Variants in CDK2AP1 observed in about 807,000 individuals in gnomAD.
CDK2AP1 encodes the protein cyclin-dependent kinase 2-associated protein 1.
Under a neutral mutation model 14.1 loss-of-function variants are expected in CDK2AP1, and 10 were observed. That is an observed-to-expected ratio of 0.71 (90% CI 0.44 to 1.20). The LOEUF (loss-of-function observed/expected upper bound fraction) is 1.20, where lower values mean the gene tolerates loss of function less well. Among genes scored for constraint, CDK2AP1 ranks in the 50% most tolerant of loss-of-function variants. CDK2AP1 has a pLI of 0.00. For synonymous variants in CDK2AP1, 59 were observed against 59.8 expected, an observed-to-expected ratio of 0.99 and a Z score of 0.06; for missense variants, 102 against 149.9, an observed-to-expected ratio of 0.68 and a Z score of 1.67.
At chr12:123,266,667 T>C (rs890807712) in intron 2 of CDK2AP1, among the ~76,000 whole-genome samples, 2 of 152,062 alleles carry the variant, frequency 1.3e-5, no homozygotes, top group Non-Finnish European at 2.9e-5. Flanking sequence ...AGTTACCAAG[T>C]GGGGGGTCAC....
intron 1 of CDK2AP1, chr12:123,271,034 C>T: frequency 1.1e-6 from 1 of 888,940 alleles, no homozygotes; most frequent in Non-Finnish European, 1.3e-6. Context: ...CCCCCGGCAG[C>T]CCGGCAGCCC....
chr12:123,265,111 A>T lies in CDK2AP1; in HGVS notation c.280+85T>A. ...CATGAGTGAGCCTCATCCCTAGCCCACCTTCCCACATTTTCCCCAAAAGTC... is the reference window on the plus strand; with the variant it reads ...CATGAGTGAGCCTCATCCCTAGCCCTCCTTCCCACATTTTCCCCAAAAGTC... On this transcript the variant is annotated intron_variant, in intron 3 of 3. Transcript: ENST00000261692. The surrounding 1 kb of genome is among the most constrained non-coding windows in gnomAD (Gnocchi z 5.3). The T allele has an allele frequency of 6.4e-7, 1 of 1,568,914 alleles. No homozygotes were observed. The highest frequency in any genetic ancestry group is 8.7e-7 in the Non-Finnish European group (1 of 1,146,796).
At chr12:123,263,827 G>A (rs746190436) in intron 3 of CDK2AP1, among the ~76,000 whole-genome samples, 20 of 152,310 alleles carry the variant, frequency 1.3e-4, no homozygotes, top group South Asian at 1.0e-3. Flanking sequence ...CTCCCAGGCC[G>A]GGCACGGTGG....
Position 123,265,736 on chromosome 12 carries a change from G to A in CDK2AP1, c.154-414C>T, listed in dbSNP as rs1343107530. Among the ~76,000 whole-genome samples the A allele has an allele frequency of 2.6e-5, 4 of 152,230 alleles. No homozygotes were observed. Among genetic ancestry groups the A allele is most frequent in the African/African-American group, 9.6e-5 (4 of 41,554 alleles). On this transcript the variant is annotated intron_variant, in intron 2 of 3. Coordinates refer to ENST00000261692, the MANE Select transcript of CDK2AP1 (RefSeq NM_004642.4). This position sits in a 1 kb window ranked among gnomAD's most constrained non-coding sequence, Gnocchi z 5.3. ...AGGGAGGCCACCCAGTCGTCTCCAGGAAGCAACTTTATTATCTCCAATGAA... is the reference window on the plus strand; with the variant it reads ...AGGGAGGCCACCCAGTCGTCTCCAGAAAGCAACTTTATTATCTCCAATGAA...
At position 123,261,752 on chromosome 12, in the gene CDK2AP1, C is replaced by T. The variant is rs2048234749; in HGVS notation, c.332G>A (p.Arg111Gln). ...ACAAGGCAGCTAGGATCTGGCATTC[C>T]GTTCCGTTTCTGCCAAGCACTCCCG... ...LVRECLAETE[R>Q]NARS Residue 111 changes from arginine (R) to glutamine (Q), a missense_variant, in exon 4 of 4, where the codon CGG (arginine) becomes CAG (glutamine). By Grantham distance (43) the Arg-to-Gln change is conservative. Coordinates refer to ENST00000261692, the MANE Select transcript of CDK2AP1 (RefSeq NM_004642.4). 1.9e-6 allele frequency: 3 copies of T among 1,613,588 alleles called. No individual in the cohort carries two copies. Among genetic ancestry groups the T allele is most frequent in the African/African-American group, 1.3e-5 (1 of 74,938 alleles).
chr12:123,268,204 C>G, intron 1 of CDK2AP1: 3 of 985,700 alleles, frequency 3.0e-6, no homozygotes, highest in Non-Finnish European at 3.6e-6. Context: ...CTGCCGCCCC[C>G]AGAGCCACAC....
At chr12:123,270,869 C>G (rs2048347470) in intron 1 of CDK2AP1, 1 of 985,122 alleles carries the variant, frequency 1.0e-6, no homozygotes, top group African/African-American at 1.7e-5. Context: ...GCGCCAACTT[C>G]GTTCACTCCG....
chr12:123,263,226 A>C (rs1274185209), intron 3 of CDK2AP1, among the ~76,000 whole-genome samples: 3 of 150,068 alleles, frequency 2.0e-5, no homozygotes, highest in Non-Finnish European at 3.0e-5. Flanking sequence ...AAAAAAAAAA[A>C]CAAAAAAAAA....
chr12:123,271,591 G>T lies in CDK2AP1; in HGVS notation c.28C>A (p.His10Asn). Residue 10 changes from histidine to asparagine, a missense_variant, in exon 1 of 4, where the codon CAC becomes AAC. Physicochemically the swap from His to Asn is moderately conservative, Grantham distance 68. Around this residue, in one of 2 missense-constraint regions of CDK2AP1, gnomAD observed 50 missense variants for 42.7 expected, o/e 1.17. Transcript: ENST00000261692. MSYKPNLAA[H>N]MPAAALNAAG... The stretch of plus-strand genomic sequence containing the variant: ...GCGTTGAGGGCGGCGGCGGGCATGT[G>T]CGCGGCCAAGTTCGGTTTGTAAGAC... 9.9e-7 allele frequency: 1 copy of T among 1,009,328 alleles called. No homozygotes were observed. The highest frequency in any genetic ancestry group is 1.2e-6 in the Non-Finnish European group (1 of 846,014). 62.5% of individuals were successfully genotyped at this position (1,009,328 alleles called of 1,614,324 possible).
chr12:123,266,256 C>T (rs549178190), intron 2 of CDK2AP1, among the ~76,000 whole-genome samples: 6 of 152,362 alleles, frequency 3.9e-5, no homozygotes, highest in African/African-American at 1.4e-4. Flanking sequence ...CCAGGCCTCA[C>T]GGGCCTCCCG....
intron 1 of CDK2AP1, chr12:123,268,092 A>C: frequency 1.3e-6 from 1 of 759,574 alleles, no homozygotes; most frequent in Non-Finnish European, 1.6e-6. Flanking sequence ...GCGGCCCCGC[A>C]ATGGCGTCCC....
intron 3 of CDK2AP1, among the ~76,000 whole-genome samples, chr12:123,263,965 G>A (rs990360091): frequency 6.6e-6 from 1 of 152,140 alleles, no homozygotes; most frequent in African/African-American, 2.4e-5. Context: ...AAAATTAGCT[G>A]GGTATAGTGG....
Position 123,267,254 on chromosome 12 carries a change from G to A in CDK2AP1, c.84C>T (p.Ser28=). 1.2e-6 allele frequency: 2 copies of A among 1,612,896 alleles called. No individual in the cohort carries two copies. The highest frequency in any genetic ancestry group is 1.7e-4 in the Middle Eastern group (1 of 6,056). Residue 28 remains serine (S), a synonymous_variant, in exon 2 of 4, where the codon AGC becomes AGT. Transcript: ENST00000261692. The part of the protein sequence containing the change: ...AAGSVHSPST[S]MATSSQYRQL... ...GGCGGTACTGTGAAGACGTTGCCATGCTGGTGGAAGGCGAGTGGACACTCC... is the reference window on the plus strand; with the variant it reads ...GGCGGTACTGTGAAGACGTTGCCATACTGGTGGAAGGCGAGTGGACACTCC...
chr12:123,267,078 C>T (rs1030273738), intron 2 of CDK2AP1, 107 bp downstream of exon 2: 1 of 768,490 alleles, frequency 1.3e-6, no homozygotes, highest in African/African-American at 1.7e-5. Flanking sequence ...AAAGCTCCGT[C>T]CCATCCTTTC....
intron 3 of CDK2AP1, chr12:123,262,057 G>A: frequency 2.6e-6 from 1 of 390,180 alleles, no homozygotes; most frequent in Non-Finnish European, 4.6e-6. Flanking sequence ...AGGTGCACCA[G>A]CAAGCTGTCC....
At chr12:123,266,032 G>A (rs1029264460) in intron 2 of CDK2AP1, among the ~76,000 whole-genome samples, 6 of 152,194 alleles carry the variant, frequency 3.9e-5, no homozygotes, top group East Asian at 3.9e-4. Flanking sequence ...GCAAGCACCC[G>A]GATCAGCGAG....
At chr12:123,270,656 C>A (rs959801800) in intron 1 of CDK2AP1, among the ~76,000 whole-genome samples, 21 of 152,180 alleles carry the variant, frequency 1.4e-4, no homozygotes, top group Admixed American at 1.3e-4. Flanking sequence ...CCCCTGGGCT[C>A]AGCCCGAAGC....
At chr12:123,271,534 C>G (rs1218994898) in intron 1 of CDK2AP1, 30 bp downstream of exon 1, 3 of 994,910 alleles carry the variant, frequency 3.0e-6, no homozygotes, top group Non-Finnish European at 3.6e-6. Flanking sequence ...CTTGGCGGCG[C>G]TTGGGGCGCG....
intron 2 of CDK2AP1, among the ~76,000 whole-genome samples, chr12:123,266,236 G>A (rs922387334): frequency 1.3e-5 from 2 of 152,166 alleles, no homozygotes; most frequent in Admixed American, 6.5e-5. Flanking sequence ...GCCTCCCCAC[G>A]GCACTGCCTC....
Sources: gnomAD v4.1 joint callset for allele counts (sites outside exome capture counted in the v4.1 genomes callset) on GRCh38, gnomAD v4.1.1 for gene constraint, gnomAD v4.1.1 regional missense constraint, Gnocchi (gnomAD v3.1) non-coding constraint, MANE v1.5 for transcripts, NCBI Gene and HGNC (gene_info 2026-07-23, HGNC 2026-07-21) for gene names.